Variants in TMCC1 observed in about 807,000 individuals in gnomAD.
TMCC1 encodes the protein transmembrane and coiled-coil domain family 1, also known as transmembrane and coiled-coil domains protein 1.
Under a neutral mutation model 52.4 loss-of-function variants are expected in TMCC1, and 15 were observed. That is an observed-to-expected ratio of 0.29 (90% CI 0.19 to 0.44). The LOEUF (loss-of-function observed/expected upper bound fraction) is 0.44. Ranked by LOEUF, TMCC1 falls within the 20% of genes least tolerant of loss-of-function variation. The pLI, the probability that TMCC1 is intolerant of heterozygous loss-of-function variation, is 1.00. For synonymous variants in TMCC1, 279 were observed against 301.9 expected (o/e 0.92, Z 0.79); for missense variants, 503 against 806.0 (o/e 0.62, Z 4.55).
At chr3:129,739,190 C>T (rs889506935) in intron 4 of TMCC1, among the ~76,000 whole-genome samples, 1 of 152,048 alleles carries the variant, frequency 6.6e-6, no homozygotes, top group Middle Eastern at 3.4e-3. Context: ...TTTTTTGAGA[C>T]AGAATCTCAC....
At chr3:129,710,069 C>A (rs2048553602) in intron 4 of TMCC1, among the ~76,000 whole-genome samples, 1 of 152,046 alleles carries the variant, frequency 6.6e-6, no homozygotes, top group Non-Finnish European at 1.5e-5. Flanking sequence ...GCCTGTAGTC[C>A]CAGCTACTCG....
chr3:129,872,227 C>G (rs966900175), intron 2 of TMCC1, among the ~76,000 whole-genome samples: 2 of 152,150 alleles, frequency 1.3e-5, no homozygotes, highest in Admixed American at 6.6e-5. Flanking sequence ...TGGTTTCAGG[C>G]AATATGGCTA....
At chr3:129,815,461 C>T (rs1329500550) in intron 4 of TMCC1, among the ~76,000 whole-genome samples, 1 of 152,088 alleles carries the variant, frequency 6.6e-6, no homozygotes, top group Non-Finnish European at 1.5e-5. Context: ...TTATAGCCAA[C>T]CCATTTTCAA....
chr3:129,657,457 T>C (rs1315717285), intron 5 of TMCC1, among the ~76,000 whole-genome samples: 2 of 152,344 alleles, frequency 1.3e-5, no homozygotes, highest in Admixed American at 6.5e-5. Flanking sequence ...CTAAAGTGAA[T>C]TGCCCAAGGG....
At position 129,836,853 on chromosome 3, in the gene TMCC1, G is replaced by A. The variant is rs559646331; in HGVS notation, c.-183-4027C>T. ...CAGGAACCTCAAAAGGCTCTCTAAT[G>A]CAGGGGGAAGCAGAGAGGAAGTAGA... On this transcript the variant is annotated intron_variant, in intron 2 of 6. Coordinates refer to ENST00000393238, the MANE Select transcript of TMCC1 (RefSeq NM_001017395.5). Among the ~76,000 whole-genome samples, 22 of 152,338 alleles carry A rather than the reference G, an allele frequency of 1.4e-4. No homozygotes were observed. In the South Asian group the frequency reaches 2.3e-3, roughly 16 times the overall value.
intron 2 of TMCC1, among the ~76,000 whole-genome samples, chr3:129,869,762 C>T (rs1023748928): frequency 5.3e-5 from 8 of 152,094 alleles, no homozygotes; most frequent in Non-Finnish European, 7.4e-5. Context: ...ATAGAAAACC[C>T]AAAAATGTAA....
At chr3:129,852,509 CGAA>C (rs1258215434) in intron 2 of TMCC1, among the ~76,000 whole-genome samples, 2 of 130,524 alleles carry the variant, frequency 1.5e-5, no homozygotes, top group African/African-American at 5.7e-5. Context: ...TATACAACAA[CGAA>C]GATGAACCTT....
In TMCC1 at chr3:129,670,423, T is replaced by C; in HGVS notation, c.1418A>G (p.Gln473Arg). 5.0e-6 allele frequency: 8 copies of C among 1,614,218 alleles called. No homozygotes were observed. The highest frequency in any genetic ancestry group is 6.8e-6 in the Non-Finnish European group (8 of 1,180,034). The change falls in exon 5 of 7, where the codon CAG becomes CGG. Residue 473 changes from glutamine (Q) to arginine (R), a missense_variant. Coordinates refer to ENST00000393238, the MANE Select transcript of TMCC1 (RefSeq NM_001017395.5). ...CTCAAAGGATTCCTCTAGTCTGGCC[T>C]GGGTTTCCCGGATCTCCTGGATCTC... ...LHEIQEIRET[Q>R]ARLEESFETL...
Position 129,859,454 on chromosome 3 carries a change from T to C in TMCC1, c.-184+20855A>G, listed in dbSNP as rs891645586. 1.2e-4 allele frequency among the ~76,000 whole-genome samples: 18 copies of C among 152,062 alleles called. No homozygotes were observed. In the East Asian group the frequency reaches 1.7e-3, roughly 15 times the overall value. On this transcript the variant is annotated intron_variant, in intron 2 of 6. Transcript: ENST00000393238. The stretch of plus-strand genomic sequence containing the variant: ...GAGTTTGAGAACAGCCTGGGCAACA[T>C]AGCAAGACCCCATCTCTATGAAGAA...
intron 2 of TMCC1, among the ~76,000 whole-genome samples, chr3:129,834,299 T>C (rs1368501009): frequency 6.6e-6 from 1 of 152,150 alleles, no homozygotes; most frequent in Non-Finnish European, 1.5e-5. Context: ...GGATACACAT[T>C]TCTGAATAGG....
At chr3:129,724,202 T>C (rs984901568) in intron 4 of TMCC1, among the ~76,000 whole-genome samples, 2 of 152,250 alleles carry the variant, frequency 1.3e-5, no homozygotes, top group African/African-American at 4.8e-5. Flanking sequence ...TAGAAAGTAA[T>C]GGCAATTCCA....
intron 4 of TMCC1, among the ~76,000 whole-genome samples, chr3:129,826,777 T>C (rs1314353300): frequency 6.6e-6 from 1 of 151,304 alleles, no homozygotes; most frequent in African/African-American, 2.4e-5. Flanking sequence ...GGTAACTTAA[T>C]ATCCAATAAA....
rs1242844079 is a variant in TMCC1 at position 129,827,843 on chromosome 3, G to A, written c.536C>T (p.Ala179Val). 1 of 1,613,700 alleles carries A rather than the reference G, an allele frequency of 6.2e-7. No homozygotes were observed. Residue 179 changes from alanine to valine, a missense_variant, in exon 4 of 7, where the codon GCT becomes GTT. Ala to Val is a moderately conservative substitution (Grantham distance 64). Around this residue, in one of 7 missense-constraint regions of TMCC1, gnomAD observed 217 missense variants for 297.9 expected, o/e 0.73. Coordinates refer to ENST00000393238, the MANE Select transcript of TMCC1 (RefSeq NM_001017395.5). ...MEIACAAAAA[A>V]AACLPGEEGT... is the part of the protein sequence containing the mutation. Reference sequence around the variant, plus strand: ...CTCCTCTCCTGGTAGACATGCAGCAGCAGCAGCAGCAGCAGCACAAGCTAT... The same window carrying A: ...CTCCTCTCCTGGTAGACATGCAGCAACAGCAGCAGCAGCAGCACAAGCTAT...
rs551655168 is a variant in TMCC1 at position 129,651,130 on chromosome 3, G to A, written c.*351C>T. On this transcript the variant is annotated 3_prime_UTR_variant, in exon 7 of 7. Transcript: ENST00000393238. This position sits in a 1 kb window ranked among gnomAD's most constrained non-coding sequence, Gnocchi z 5.1. Reference sequence around the variant, plus strand: ...ACTGGTTTGCCCTCATCAGGTTTTCGCATCTTTTTAGTGGGTTTTAGTGCA... The same window carrying A: ...ACTGGTTTGCCCTCATCAGGTTTTCACATCTTTTTAGTGGGTTTTAGTGCA... The A allele has an allele frequency of 5.7e-5, 12 of 209,622 alleles. No homozygotes were observed. Among genetic ancestry groups the A allele is most frequent in the South Asian group, 1.9e-4 (2 of 10,644 alleles). The allele number at this position is 209,622 out of a possible 1,614,324, so 13.0% of individuals were successfully genotyped here.
chr3:129,876,235 C>T (rs1460627523), intron 2 of TMCC1, among the ~76,000 whole-genome samples: 1 of 140,286 alleles, frequency 7.1e-6, no homozygotes, highest in East Asian at 2.0e-4. Flanking sequence ...AACTGCTTTA[C>T]AATGACTTAA....
intron 4 of TMCC1, among the ~76,000 whole-genome samples, chr3:129,797,996 T>TC (rs2056951542): frequency 6.6e-6 from 1 of 150,740 alleles, no homozygotes; most frequent in African/African-American, 2.4e-5. Flanking sequence ...CTTTTTTTTT[T>TC]TTTTCTTTTT....
chr3:129,755,763 T>A (rs1041036647), intron 4 of TMCC1, among the ~76,000 whole-genome samples: 28 of 152,122 alleles, frequency 1.8e-4, no homozygotes, highest in African/African-American at 6.5e-4. Flanking sequence ...GAACAAGAAA[T>A]CTCATTTGTT....
intron 4 of TMCC1, among the ~76,000 whole-genome samples, chr3:129,774,560 G>A (rs1411449459): frequency 2.6e-5 from 4 of 152,146 alleles, no homozygotes; most frequent in Admixed American, 6.6e-5. Context: ...TATCATGGTT[G>A]GAACTAATAC....
chr3:129,835,328 CAT>C (rs3993144), intron 2 of TMCC1, among the ~76,000 whole-genome samples: 23 of 148,568 alleles, frequency 1.5e-4, no homozygotes, highest in Admixed American at 2.0e-4. Flanking sequence ...CTCACTCTTT[CAT>C]ATATATATAT....
Sources: gnomAD v4.1 joint callset for allele counts (sites outside exome capture counted in the v4.1 genomes callset) on GRCh38, gnomAD v4.1.1 for gene constraint, gnomAD v4.1.1 regional missense constraint, Gnocchi (gnomAD v3.1) non-coding constraint, MANE v1.5 for transcripts, NCBI Gene and HGNC (gene_info 2026-07-23, HGNC 2026-07-21) for gene names.